SPTB: variants seen among roughly 807,000 people sequenced by gnomAD.
The protein encoded by SPTB is spectrin beta chain, erythrocytic.
A neutral mutation model predicts 256.2 loss-of-function variants in SPTB; 45 were observed. The observed-to-expected ratio is 0.18, with a 90% CI of 0.14 to 0.23. The LOEUF is 0.23. SPTB is among the 10% of genes least tolerant of loss of function. The probability of loss-of-function intolerance (pLI) is 1.00; values close to 1 mark genes in which losing one functional copy is unlikely to be tolerated. For synonymous variants in SPTB, 1,231 were observed against 1,243.1 expected (o/e 0.99, Z 0.21); for missense variants, 2,715 against 3,040.4 (o/e 0.89, Z 2.52).
Position 64,793,695 on chromosome 14 carries a change from C to T in SPTB, c.1968G>A (p.Lys656=). 1 of 1,614,180 alleles carries T rather than the reference C, an allele frequency of 6.2e-7. No individual in the cohort carries two copies. The highest frequency in any genetic ancestry group is 1.1e-5 in the South Asian group (1 of 91,084). Residue 656 remains lysine, a synonymous_variant, in exon 14 of 36, where the codon AAG becomes AAA. Coordinates refer to ENST00000644917, the MANE Select transcript of SPTB (RefSeq NM_001355436.2). This position sits in a 1 kb window ranked among gnomAD's most constrained non-coding sequence, Gnocchi z 7.0. ...MDEAESWIKE[K]EQIYSSLDYG... Reference sequence around the variant, plus strand: ...AGTCCAGGGAAGAATAGATCTGCTCCTTCTCCTTGATCCAGCTCTCAGCCT... The same window carrying T: ...AGTCCAGGGAAGAATAGATCTGCTCTTTCTCCTTGATCCAGCTCTCAGCCT...
chr14:64,792,442 C>T lies in SPTB; in HGVS notation c.2666+555G>A, dbSNP rs2082690054. On this transcript the variant is annotated intron_variant, in intron 14 of 35. Transcript: ENST00000644917. The surrounding 1 kb of genome is among the most constrained non-coding windows in gnomAD (Gnocchi z 4.2). The stretch of plus-strand genomic sequence containing the variant: ...GCACTGTTCCAGAGAGCGGCCTCTC[C>T]TTCTCCTGACTGCCTGAATTCTGTG... Among the ~76,000 whole-genome samples the T allele has an allele frequency of 6.6e-6, 1 of 152,186 alleles. No individual in the cohort carries two copies.
rs1203710129 is a variant in SPTB, at chr14:64,802,861, C to T, written c.475-544G>A. Among the ~76,000 whole-genome samples the T allele has an allele frequency of 6.6e-6, 1 of 152,176 alleles. No individual in the cohort carries two copies. Among genetic ancestry groups the T allele is most frequent in the Non-Finnish European group, 1.5e-5 (1 of 68,026 alleles). On this transcript the variant is annotated intron_variant, in intron 4 of 35. Coordinates refer to ENST00000644917, the MANE Select transcript of SPTB (RefSeq NM_001355436.2). The surrounding 1 kb of genome is among the most constrained non-coding windows in gnomAD (Gnocchi z 5.1). ...AATGCAGAGAATCAGTGACAAGATG[C>T]CCTGATTCCTCCTCTGGAGGTGCAA...
rs2083395169 is a variant in SPTB at position 64,827,668 on chromosome 14, G to A, written c.-51-4523C>T. Among the ~76,000 whole-genome samples the A allele has an allele frequency of 6.6e-6, 1 of 152,124 alleles. No individual in the cohort carries two copies. Among genetic ancestry groups the A allele is most frequent in the African/African-American group, 2.4e-5 (1 of 41,422 alleles). On this transcript the variant is annotated intron_variant, in intron 1 of 35. Coordinates refer to ENST00000644917, the MANE Select transcript of SPTB (RefSeq NM_001355436.2). This position sits in a 1 kb window ranked among gnomAD's most constrained non-coding sequence, Gnocchi z 4.6. ...AATAGTCAAATACACAAAAACACATGTGCACACACTCACTAGAATGAGAAG... is the reference window on the plus strand; with the variant it reads ...AATAGTCAAATACACAAAAACACATATGCACACACTCACTAGAATGAGAAG...
At chr14:64,798,050 G>A (rs2082810133) in intron 9 of SPTB, among the ~76,000 whole-genome samples, 1 of 152,126 alleles carries the variant, frequency 6.6e-6, no homozygotes, top group South Asian at 2.1e-4. Flanking sequence ...ATCTATTAGG[G>A]GTTTGGGTCT....
At chr14:64,801,960 G>A in intron 5 of SPTB, 126 bp from the exon 6 acceptor site, 1 of 997,302 alleles carries the variant, frequency 1.0e-6, no homozygotes, top group Non-Finnish European at 1.6e-6. Flanking sequence ...AGGTCACCAA[G>A]AGGGGGCAGC....
rs1174115149 is a variant in SPTB at position 64,845,547 on chromosome 14, C to A, written c.-51-22402G>T. ...TCCCACAAATATCTTCTGAGCACTG[C>A]GTTGAACTCTCAAACTTAAAGTTTT... On this transcript the variant is annotated intron_variant, in intron 1 of 35. Transcript: ENST00000644917. This position sits in a 1 kb window ranked among gnomAD's most constrained non-coding sequence, Gnocchi z 4.8. Among the ~76,000 whole-genome samples the A allele has an allele frequency of 6.6e-6, 1 of 152,192 alleles. No homozygotes were observed. The highest frequency in any genetic ancestry group is 2.4e-5 in the African/African-American group (1 of 41,440).
intron 3 of SPTB, 21 bp downstream of exon 3, chr14:64,804,918 G>C: frequency 6.2e-7 from 1 of 1,613,618 alleles, no homozygotes; most frequent in Admixed American, 1.7e-5. Flanking sequence ...GCAGCCCCGG[G>C]GCCCACAGAA....
rs753480687 is a variant in SPTB at position 64,793,611 on chromosome 14, A to C, written c.2052T>G (p.Asp684Glu). ...ILQRKHKAFE[D>E]ELRGLDAHLE... Reference sequence around the variant, plus strand: ...GGTGAGCATCCAGCCCACGGAGCTCATCCTCAAAGGCCTTGTGCTTGCGCT... The same window carrying C: ...GGTGAGCATCCAGCCCACGGAGCTCCTCCTCAAAGGCCTTGTGCTTGCGCT... Residue 684 changes from aspartate (D) to glutamate (E), a missense_variant, in exon 14 of 36, where the codon GAT (aspartate) becomes GAG (glutamate). This residue lies in a region of SPTB where 2,239 missense variants were observed against 2,384.4 expected (regional missense o/e 0.94). Transcript: ENST00000644917. This position sits in a 1 kb window ranked among gnomAD's most constrained non-coding sequence, Gnocchi z 7.0. The C allele has an allele frequency of 6.2e-7, 1 of 1,614,066 alleles. No homozygotes were observed. The highest frequency in any genetic ancestry group is 8.5e-7 in the Non-Finnish European group (1 of 1,180,052).
In SPTB at chr14:64,826,970, C is replaced by T. The variant is rs2083385765; in HGVS notation, c.-51-3825G>A. ...AACATGTACTTATTAATGCATTTCA[C>T]AATACCACTGATGCAACCCACAGCT... On this transcript the variant is annotated intron_variant, in intron 1 of 35. Transcript: ENST00000644917. This position sits in a 1 kb window ranked among gnomAD's most constrained non-coding sequence, Gnocchi z 4.4. Among the ~76,000 whole-genome samples the T allele has an allele frequency of 6.6e-6, 1 of 152,210 alleles. No homozygotes were observed. The highest frequency in any genetic ancestry group is 2.4e-5 in the African/African-American group (1 of 41,450).
In SPTB at chr14:64,796,217, C is replaced by G. The variant is rs1414747521; in HGVS notation, c.1341+340G>C. ...CAGAGACCAGAGTCCAAAAGGCATGCCTGACACAGACAAGGTGCAGTCTGT... is the reference window on the plus strand; with the variant it reads ...CAGAGACCAGAGTCCAAAAGGCATGGCTGACACAGACAAGGTGCAGTCTGT... On this transcript the variant is annotated intron_variant, in intron 11 of 35. Coordinates refer to ENST00000644917, the MANE Select transcript of SPTB (RefSeq NM_001355436.2). This position sits in a 1 kb window ranked among gnomAD's most constrained non-coding sequence, Gnocchi z 4.1. Among the ~76,000 whole-genome samples, 1 of 152,180 alleles carries G rather than the reference C, an allele frequency of 6.6e-6. No homozygotes were observed. Among genetic ancestry groups the G allele is most frequent in the Non-Finnish European group, 1.5e-5 (1 of 68,030 alleles).
In SPTB at chr14:64,764,235, A is replaced by G. The variant is rs1109608; in HGVS notation, c.6345+2491T>C. On this transcript the variant is annotated intron_variant, in intron 32 of 35. Coordinates refer to ENST00000644917, the MANE Select transcript of SPTB (RefSeq NM_001355436.2). The surrounding 1 kb of genome is among the most constrained non-coding windows in gnomAD (Gnocchi z 4.2). ...TGGAAGGACCAGCCACTGGGCTTGC[A>G]AGGAGCCTTCTAGAGCCAGGTTGGG... Among the ~76,000 whole-genome samples, 20,564 of 152,270 alleles carry G rather than the reference A, an allele frequency of 0.14. 1,466 individuals are homozygous for G. Among genetic ancestry groups the G allele is most frequent in the African/African-American group, 0.17 (7,261 of 41,546 alleles).
In SPTB at chr14:64,785,659, A is replaced by C. The variant is rs762843740; in HGVS notation, c.3765-32T>G. ...AGGAAGCCAAAAGCACAGTCACAAT[A>C]GTGCCGAGCTTGGGGTCCTCACCAA... On this transcript the variant is annotated intron_variant, in intron 17 of 35. Coordinates refer to ENST00000644917, the MANE Select transcript of SPTB (RefSeq NM_001355436.2). This position sits in a 1 kb window ranked among gnomAD's most constrained non-coding sequence, Gnocchi z 4.4. The C allele has an allele frequency of 1.1e-4, 179 of 1,613,470 alleles. No homozygotes were observed. The highest frequency in any genetic ancestry group is 1.4e-4 in the Non-Finnish European group (166 of 1,179,564).
chr14:64,770,816 G>A, intron 27 of SPTB, 69 bp downstream of exon 27: 1 of 1,610,078 alleles, frequency 6.2e-7, no homozygotes, highest in Non-Finnish European at 8.5e-7. Flanking sequence ...CCACAGTGCA[G>A]CACCCTGGTT....
chr14:64,808,294 G>A (rs1297022474), intron 2 of SPTB, among the ~76,000 whole-genome samples: 4 of 152,144 alleles, frequency 2.6e-5, no homozygotes, highest in Non-Finnish European at 5.9e-5. Context: ...TTATAGGCAT[G>A]AGCCACCGTG....
chr14:64,753,464 A>G (rs2081979036), intron 33 of SPTB, 73 bp downstream of exon 33: 2 of 1,607,638 alleles, frequency 1.2e-6, no homozygotes, highest in Non-Finnish European at 1.7e-6. Context: ...CCATGTCACC[A>G]AGGCTCTGCT....
At chr14:64,863,200 C>T (rs1343514480) in intron 1 of SPTB, among the ~76,000 whole-genome samples, 1 of 152,162 alleles carries the variant, frequency 6.6e-6, no homozygotes, top group African/African-American at 2.4e-5. Context: ...ATCTTGGCTT[C>T]CTGTAGACCA....
chr14:64,768,139 T>C lies in SPTB; in HGVS notation c.6023-280A>G. 2 of 500,564 alleles carry C rather than the reference T, an allele frequency of 4.0e-6. 1 individual carries two copies. Among genetic ancestry groups the C allele is most frequent in the Non-Finnish European group, 7.3e-6 (2 of 273,020 alleles). The allele number at this position is 500,564 out of a possible 1,614,324, so 31.0% of individuals were successfully genotyped here. On this transcript the variant is annotated intron_variant, in intron 29 of 35. Coordinates refer to ENST00000644917, the MANE Select transcript of SPTB (RefSeq NM_001355436.2). ...TCATGGCAGCCTCAGCCTCCTGGGTTCAAGTGATCCTCCCATCTCAGCCTA... is the reference window on the plus strand; with the variant it reads ...TCATGGCAGCCTCAGCCTCCTGGGTCCAAGTGATCCTCCCATCTCAGCCTA...
At chr14:64,860,931 C>A (rs904516366) in intron 1 of SPTB, among the ~76,000 whole-genome samples, 1 of 152,136 alleles carries the variant, frequency 6.6e-6, no homozygotes, top group African/African-American at 2.4e-5. Flanking sequence ...ATGTTTATTG[C>A]AGCACTATTT....
At chr14:64,774,564 C>G (rs1284144730) in intron 23 of SPTB, 37 bp from the exon 24 acceptor site, 1 of 1,551,340 alleles carries the variant, frequency 6.4e-7, no homozygotes, top group Non-Finnish European at 8.7e-7. Flanking sequence ...AGAGCTCAGT[C>G]TGGCCATGAT....
Sources: gnomAD v4.1 joint callset for allele counts (sites outside exome capture counted in the v4.1 genomes callset) on GRCh38, gnomAD v4.1.1 for gene constraint, gnomAD v4.1.1 regional missense constraint, Gnocchi (gnomAD v3.1) non-coding constraint, MANE v1.5 for transcripts, NCBI Gene and HGNC (gene_info 2026-07-23, HGNC 2026-07-21) for gene names.